The following BSDC1 variants were observed in gnomAD, a reference collection of about 807,000 sequenced individuals.
BSDC1 encodes BSD domain containing 1.
A neutral mutation model predicts 56.0 loss-of-function variants in BSDC1; 29 were observed. The ratio of observed to expected loss-of-function variants is 0.52; its 90% CI spans 0.39 to 0.71. The LOEUF (loss-of-function observed/expected upper bound fraction) is 0.71, where lower values mean the gene tolerates loss of function less well. Among genes scored for constraint, BSDC1 ranks in the 30% least tolerant of loss-of-function variants. The pLI is 0.00. For synonymous variants in BSDC1, 210 were observed against 215.3 expected (o/e 0.98, Z 0.21); for missense variants, 477 against 548.5 (o/e 0.87, Z 1.30).
In BSDC1 at chr1:32,393,985, A is replaced by C; in HGVS notation, c.72+95T>G. The C allele has an allele frequency of 2.3e-6, 3 of 1,304,880 alleles. No homozygotes were observed. In the South Asian group the frequency reaches 3.9e-5, roughly 17 times the overall value. 80.8% of individuals were successfully genotyped at this position (1,304,880 alleles called of 1,614,324 possible). A position where few individuals can be genotyped will look rare whatever the true frequency, so the allele number is the denominator to read the frequency against. ...CAGGTCAGCCTCATCCTTGAGACTT[A>C]GCGCCCGCAAAAGTTGGGCGGGGCT... On this transcript the variant is annotated intron_variant, in intron 2 of 10. Transcript: ENST00000455895.
chr1:32,394,410 G>A lies in BSDC1; in HGVS notation c.5C>T (p.Ala2Val). 2 of 1,614,054 alleles carry A rather than the reference G, an allele frequency of 1.2e-6. No homozygotes were observed. The highest frequency in any genetic ancestry group is 1.1e-5 in the South Asian group (1 of 91,072). Reference sequence around the variant, plus strand: ...AGCAAAACGACAAGCTCACCCTTCCGCCATCTTGCCTGCATGACATCACCA... The same window carrying A: ...AGCAAAACGACAAGCTCACCCTTCCACCATCTTGCCTGCATGACATCACCA... M[A>V]EGEDVGWWRS... Residue 2 changes from alanine (A) to valine (V), a missense_variant, in exon 1 of 11, where the codon GCG (alanine) becomes GTG (valine). Coordinates refer to ENST00000455895, the MANE Select transcript of BSDC1 (RefSeq NM_018045.8).
At chr1:32,385,873 T>C (rs1483083284) in intron 3 of BSDC1, among the ~76,000 whole-genome samples, 1 of 152,176 alleles carries the variant, frequency 6.6e-6, no homozygotes, top group Non-Finnish European at 1.5e-5. Context: ...AAAGCAAATA[T>C]TATGGCACTG....
Position 32,366,011 on chromosome 1 carries a change from T to G in BSDC1, c.*611A>C. On this transcript the variant is annotated 3_prime_UTR_variant, in exon 11 of 11. Transcript: ENST00000455895. ...GGCTGGAGGAAAGGAAGGAGGTGGG[T>G]CAGGGTTTGGTCTCTGGATTCTGAA... 6.3e-6 allele frequency: 1 copy of G among 158,178 alleles called. No homozygotes were observed. 9.8% of individuals were successfully genotyped at this position (158,178 alleles called of 1,614,324 possible).
In BSDC1 at chr1:32,378,656, C is replaced by T; in HGVS notation, c.528+68G>A. On this transcript the variant is annotated intron_variant, in intron 6 of 10. Coordinates refer to ENST00000455895, the MANE Select transcript of BSDC1 (RefSeq NM_018045.8). The surrounding 1 kb of genome is among the most constrained non-coding windows in gnomAD (Gnocchi z 5.2). ...CAGATGACTCTGCAGTGACTCTGAA[C>T]ATGTCCCTCCCACCTCCCAACACCT... The T allele has an allele frequency of 9.0e-7, 1 of 1,109,888 alleles. No homozygotes were observed. The highest frequency in any genetic ancestry group is 1.3e-6 in the Non-Finnish European group (1 of 797,548). The allele number at this position is 1,109,888 out of a possible 1,614,324, so 68.8% of individuals were successfully genotyped here. A position where few individuals can be genotyped will look rare whatever the true frequency, so the allele number is the denominator to read the frequency against.
intron 9 of BSDC1, among the ~76,000 whole-genome samples, chr1:32,375,131 G>A (rs1158569239): frequency 3.9e-5 from 6 of 151,996 alleles, no homozygotes; most frequent in Non-Finnish European, 7.4e-5. Flanking sequence ...CAGCCTAGGC[G>A]ACAGTGAGAC....
chr1:32,366,211 G>A lies in BSDC1; in HGVS notation c.*411C>T, dbSNP rs1570088705. 3 of 331,732 alleles carry A rather than the reference G, an allele frequency of 9.0e-6. No homozygotes were observed. The highest frequency in any genetic ancestry group is 4.7e-4 in the Middle Eastern group (1 of 2,118). The allele number at this position is 331,732 out of a possible 1,614,324, so 20.5% of individuals were successfully genotyped here. A position where few individuals can be genotyped will look rare whatever the true frequency, so the allele number is the denominator to read the frequency against. On this transcript the variant is annotated 3_prime_UTR_variant, in exon 11 of 11. Transcript: ENST00000455895. ...GGCCCTCCCTGCCTGCTTATGTATG[G>A]ACAGAGTATGTTGTCTCAGCTTCCT...
intron 10 of BSDC1, chr1:32,367,128 CA>C: frequency 1.0e-6 from 1 of 986,262 alleles, no homozygotes; most frequent in Non-Finnish European, 1.2e-6. Flanking sequence ...GCACTGTGGC[CA>C]AAAGCAGAGG....
chr1:32,384,091 T>C (rs1278744701), intron 3 of BSDC1, 94 bp from the exon 4 acceptor site: 1 of 1,569,402 alleles, frequency 6.4e-7, no homozygotes, highest in Non-Finnish European at 8.7e-7. Flanking sequence ...GTGTACCGTG[T>C]GTTGGGGGAC....
At chr1:32,383,800 G>T in intron 4 of BSDC1, 30 bp downstream of exon 4, 1 of 1,595,240 alleles carries the variant, frequency 6.3e-7, no homozygotes, top group Non-Finnish European at 8.6e-7. Flanking sequence ...CAGATGTTAG[G>T]CATCTGCAGG....
intron 9 of BSDC1, among the ~76,000 whole-genome samples, chr1:32,369,040 A>G (rs1641969813): frequency 6.6e-6 from 1 of 152,196 alleles, no homozygotes; most frequent in African/African-American, 2.4e-5. Context: ...TCTTGGATTC[A>G]GTCAGAAATT....
intron 2 of BSDC1, among the ~76,000 whole-genome samples, chr1:32,393,448 G>A (rs553763104): frequency 6.6e-6 from 1 of 152,334 alleles, no homozygotes; most frequent in African/African-American, 2.4e-5. Flanking sequence ...TCTAGGCAGG[G>A]TTGCCCTTGA....
intron 8 of BSDC1, 141 bp downstream of exon 8, chr1:32,377,829 C>G (rs1337877457): frequency 7.7e-5 from 51 of 663,108 alleles, no homozygotes; most frequent in Non-Finnish European, 4.8e-6. Flanking sequence ...TTAGCTCCGC[C>G]TATCCTCACA....
At chr1:32,369,395 G>T in intron 9 of BSDC1, 2 of 868,468 alleles carry the variant, frequency 2.3e-6, no homozygotes, top group Non-Finnish European at 3.2e-6. Flanking sequence ...AGGAGTCCCA[G>T]CTACTCAGGA....
chr1:32,369,375 TACACA>T (rs1213137880), intron 9 of BSDC1: 1 of 1,103,494 alleles, frequency 9.1e-7, no homozygotes, highest in East Asian at 5.8e-5. Flanking sequence ...GGCATGGTAG[TACACA>T]CCTAAGGAGT....
chr1:32,390,085 A>G (rs1004839385), intron 2 of BSDC1, among the ~76,000 whole-genome samples: 1 of 152,006 alleles, frequency 6.6e-6, no homozygotes, highest in Non-Finnish European at 1.5e-5. Flanking sequence ...AAGAGTGGTG[A>G]GGGATAAAGC....
intron 2 of BSDC1, among the ~76,000 whole-genome samples, chr1:32,388,836 C>G (rs145951304): frequency 1.8e-4 from 28 of 152,250 alleles, no homozygotes; most frequent in African/African-American, 5.8e-4. Context: ...ATGAAGGAAC[C>G]CTCTTATCTG....
In BSDC1 at chr1:32,366,895, C is replaced by T. The variant is rs1641874644; in HGVS notation, c.1261-241G>A. The T allele has an allele frequency of 6.5e-6, 8 of 1,240,104 alleles. No homozygotes were observed. In the South Asian group the frequency reaches 2.1e-4, roughly 33 times the overall value. 76.8% of individuals were successfully genotyped at this position (1,240,104 alleles called of 1,614,324 possible). On this transcript the variant is annotated intron_variant, in intron 10 of 10. Transcript: ENST00000455895. ...CTCAGACCTAAAGGAAACACTTCCC[C>T]CAACCAACACCAGACACCACAAGGT...
chr1:32,376,357 A>G lies in BSDC1; in HGVS notation c.1061T>C (p.Val354Ala), dbSNP rs768507023. ...GGGCGCCTCCTCCCTCAGAGTCTCT[A>G]CTCTGGCTGGAGGCCTGGGCTCTGG... ...GGPEPRPPAR[V>A]ETLREEAPTD... is the part of the protein sequence containing the mutation. The change falls in exon 9 of 11, where the codon GTA becomes GCA. Residue 354 changes from valine (V) to alanine (A), a missense_variant. By Grantham distance (64) the Val-to-Ala change is moderately conservative. Coordinates refer to ENST00000455895, the MANE Select transcript of BSDC1 (RefSeq NM_018045.8). 4 of 1,612,838 alleles carry G rather than the reference A, an allele frequency of 2.5e-6. No homozygotes were observed. The highest frequency in any genetic ancestry group is 1.1e-5 in the South Asian group (1 of 90,968).
At chr1:32,369,201 A>T in intron 9 of BSDC1, 1 of 1,199,560 alleles carries the variant, frequency 8.3e-7, no homozygotes, top group Non-Finnish European at 1.1e-6. Flanking sequence ...AGAACTTCAC[A>T]TCCATGCCAA....
Sources: gnomAD v4.1 joint callset for allele counts (sites outside exome capture counted in the v4.1 genomes callset) on GRCh38, gnomAD v4.1.1 for gene constraint, Gnocchi (gnomAD v3.1) non-coding constraint, MANE v1.5 for transcripts, NCBI Gene and HGNC (gene_info 2026-07-23, HGNC 2026-07-21) for gene names.